ZNF43: variants seen among roughly 807,000 people sequenced by gnomAD.
The protein encoded by ZNF43 is zinc finger protein 43, also known as zinc finger protein 39-like 1 (KOX 27).
Under a neutral mutation model 68.4 loss-of-function variants are expected in ZNF43, and 44 were observed. The ratio of observed to expected loss-of-function variants is 0.64; its 90% CI spans 0.51 to 0.83. The LOEUF is 0.83. ZNF43 is among the 40% of genes least tolerant of loss of function. The pLI is 0.00. For synonymous variants in ZNF43, 308 were observed against 307.8 expected, an observed-to-expected ratio of 1.00 and a Z score of -0.01; for missense variants, 896 against 933.2, an observed-to-expected ratio of 0.96 and a Z score of 0.52.
intron 1 of ZNF43, chr19:21,843,279 G>C (rs1339665696): frequency 4.2e-6 from 3 of 721,940 alleles, no homozygotes; most frequent in Non-Finnish European, 5.1e-6. Flanking sequence ...CCAGGCAGGA[G>C]AGTCAAATCG....
intron 3 of ZNF43, among the ~76,000 whole-genome samples, chr19:21,813,196 G>C (rs1342687849): frequency 1.3e-5 from 2 of 151,074 alleles, no homozygotes; most frequent in African/African-American, 4.9e-5. Context: ...TGAACTGAGA[G>C]CACGCCATTG....
chr19:21,835,306 G>C (rs1488564783), intron 1 of ZNF43, among the ~76,000 whole-genome samples: 1 of 147,092 alleles, frequency 6.8e-6, no homozygotes, highest in Non-Finnish European at 1.5e-5. Flanking sequence ...GAATTGCGGA[G>C]AAGAAGGTGG....
intron 2 of ZNF43, 25 bp downstream of exon 2, chr19:21,819,069 GA>G: frequency 6.3e-7 from 1 of 1,598,062 alleles, no homozygotes; most frequent in South Asian, 1.1e-5. Context: ...GGTATATTAG[GA>G]ATTGAGTATT....
At position 21,831,720 on chromosome 19, in the gene ZNF43, C is replaced by T. The variant is rs143148470; in HGVS notation, c.3+4316G>A. ...AAAGTTTTAGAATACAAAATAAATG[C>T]ACAAAAATCAGTAACATCTCTGTAC... On this transcript the variant is annotated intron_variant, in intron 1 of 3. Transcript: ENST00000354959. Among the ~76,000 whole-genome samples, 468 of 152,176 alleles carry T rather than the reference C, an allele frequency of 3.1e-3. 1 individual carries two copies. Among genetic ancestry groups the T allele is most frequent in the African/African-American group, 0.011 (449 of 41,508 alleles).
At chr19:21,850,234 G>A (rs1968252343) in intron 1 of ZNF43, among the ~76,000 whole-genome samples, 1 of 152,210 alleles carries the variant, frequency 6.6e-6, no homozygotes, top group African/African-American at 2.4e-5. Flanking sequence ...CTAGGTGATT[G>A]ATGCAGAGAT....
chr19:21,833,657 A>G (rs941050012), intron 1 of ZNF43, among the ~76,000 whole-genome samples: 14 of 152,140 alleles, frequency 9.2e-5, no homozygotes, highest in Admixed American at 2.0e-4. Context: ...AAAAAAACAA[A>G]AACAACAAAA....
chr19:21,828,567 T>C (rs2038252865), intron 1 of ZNF43, among the ~76,000 whole-genome samples: 1 of 150,734 alleles, frequency 6.6e-6, no homozygotes, highest in Admixed American at 6.6e-5. Flanking sequence ...AAGTACAAAA[T>C]TTAGCCAGGC....
intron 1 of ZNF43, among the ~76,000 whole-genome samples, chr19:21,821,653 T>C (rs958636341): frequency 5.3e-5 from 8 of 149,942 alleles, no homozygotes; most frequent in Non-Finnish European, 7.4e-5. Context: ...ATTTTTAATA[T>C]TGCAGTTCAT....
intron 1 of ZNF43, among the ~76,000 whole-genome samples, chr19:21,831,602 G>A (rs759938711): frequency 5.3e-5 from 8 of 151,928 alleles, no homozygotes; most frequent in Non-Finnish European, 8.8e-5. Context: ...CTTGTGATCC[G>A]CCCACCTCGG....
chr19:21,819,083 A>C lies in ZNF43; in HGVS notation c.130+12T>G. ...GGGTATATTAGGAATTGAGTATTGAAGTTATGCTCACCCAGGAAGACCAGG... is the reference window on the plus strand; with the variant it reads ...GGGTATATTAGGAATTGAGTATTGACGTTATGCTCACCCAGGAAGACCAGG... On this transcript the variant is annotated intron_variant, in intron 2 of 3. Transcript: ENST00000354959. The C allele has an allele frequency of 6.2e-7, 1 of 1,605,108 alleles. No homozygotes were observed. The highest frequency in any genetic ancestry group is 8.5e-7 in the Non-Finnish European group (1 of 1,176,950).
intron 3 of ZNF43, among the ~76,000 whole-genome samples, chr19:21,810,109 T>A (rs1297402293): frequency 6.6e-6 from 1 of 152,206 alleles, no homozygotes; most frequent in East Asian, 1.9e-4. Flanking sequence ...CATAACATAG[T>A]GCCTTTAGAA....
intron 1 of ZNF43, among the ~76,000 whole-genome samples, chr19:21,842,805 A>T (rs1488387550): frequency 6.6e-6 from 1 of 152,236 alleles, no homozygotes; most frequent in African/African-American, 2.4e-5. Flanking sequence ...GGGCCCAGGC[A>T]AATGTCATAA....
exon 1 of ZNF43, chr19:21,851,915 C>A (rs775263854): frequency 1.9e-6 from 3 of 1,580,638 alleles, no homozygotes; most frequent in South Asian, 2.3e-5. Context: ...CATTTCCCAG[C>A]TTCCAGGATG....
intron 1 of ZNF43, among the ~76,000 whole-genome samples, chr19:21,822,118 A>G (rs1451870233): frequency 6.6e-6 from 1 of 151,176 alleles, no homozygotes; most frequent in Non-Finnish European, 1.5e-5. Flanking sequence ...GAGATTCAGC[A>G]AGAATGAACT....
rs2038718930 is a variant in ZNF43, at chr19:21,836,112, G to A, written c.-74C>T. On this transcript the variant is annotated 5_prime_UTR_variant, in exon 1 of 4. Transcript: ENST00000354959. The stretch of plus-strand genomic sequence containing the variant: ...ACCCGCAGGTCACAGAGCCACAGAG[G>A]CTGGACCTCTAGCAGCAGAGGACAC... The A allele has an allele frequency of 6.2e-7, 1 of 1,610,448 alleles. No individual in the cohort carries two copies. Among genetic ancestry groups the A allele is most frequent in the Non-Finnish European group, 8.5e-7 (1 of 1,177,790 alleles).
In ZNF43 at chr19:21,805,004, TTAAAA is replaced by T. The variant is rs2036872839; in HGVS notation, c.*2598_*2602del. 6.6e-6 allele frequency: 1 copy of T among 152,144 alleles called. No individual in the cohort carries two copies. Among genetic ancestry groups the T allele is most frequent in the Admixed American group, 6.5e-5 (1 of 15,270 alleles). The allele number at this position is 152,144 out of a possible 1,614,324, so 9.4% of individuals were successfully genotyped here. On this transcript the variant is annotated 3_prime_UTR_variant, in exon 4 of 4. Transcript: ENST00000354959. Reference sequence around the variant, plus strand: ...TTATACTTCTATATAATTTTTATAATTAAAATGACCCTGTAGTCAATAACAATTTA... The same window carrying T: ...TTATACTTCTATATAATTTTTATAATTGACCCTGTAGTCAATAACAATTTA...
At chr19:21,821,924 A>G (rs1436001397) in intron 1 of ZNF43, among the ~76,000 whole-genome samples, 2 of 147,272 alleles carry the variant, frequency 1.4e-5, no homozygotes, top group Non-Finnish European at 3.0e-5. Context: ...AAAAAAAGCC[A>G]TTTTTTTCTC....
intron 1 of ZNF43, among the ~76,000 whole-genome samples, chr19:21,829,821 G>A (rs1036330292): frequency 2.0e-5 from 3 of 151,766 alleles, no homozygotes; most frequent in African/African-American, 7.3e-5. Flanking sequence ...ATTGAGCTCC[G>A]TCTCAAAAAA....
At position 21,823,176 on chromosome 19, in the gene ZNF43, A is replaced by G. The variant is rs916169302; in HGVS notation, c.4-3955T>C. Among the ~76,000 whole-genome samples the G allele has an allele frequency of 6.7e-4, 102 of 152,356 alleles. 1 individual carries two copies. Among genetic ancestry groups the G allele is most frequent in the African/African-American group, 2.3e-3 (96 of 41,586 alleles). On this transcript the variant is annotated intron_variant, in intron 1 of 3. Transcript: ENST00000354959. ...CACATCTACTCATTGTACCAACAAT[A>G]TAATGCTAAATTCAACCATGTATCC...
Sources: gnomAD v4.1 joint callset for allele counts (sites outside exome capture counted in the v4.1 genomes callset) on GRCh38, gnomAD v4.1.1 for gene constraint, MANE v1.5 for transcripts, NCBI Gene and HGNC (gene_info 2026-07-23, HGNC 2026-07-21) for gene names.